The following ABLIM2 variants were observed in gnomAD, a reference collection of about 807,000 sequenced individuals.
ABLIM2 encodes the protein actin binding LIM protein family member 2, also known as actin-binding LIM protein 2.
Under a neutral mutation model 97.7 loss-of-function variants are expected in ABLIM2, and 53 were observed. The ratio of observed to expected loss-of-function variants is 0.54; its 90% confidence interval spans 0.44 to 0.68. The LOEUF is 0.68. Among genes scored for constraint, ABLIM2 ranks in the 30% least tolerant of loss-of-function variants. ABLIM2 has a pLI of 0.00. For synonymous variants in ABLIM2, 361 were observed against 345.8 expected, an observed-to-expected ratio of 1.04 and a Z score of -0.49; for missense variants, 835 against 867.2, an observed-to-expected ratio of 0.96 and a Z score of 0.47.
rs1022147483 is a variant in ABLIM2 at position 8,023,237 on chromosome 4, G to A, written c.1268-2934C>T. 24 of 152,232 alleles carry A rather than the reference G, an allele frequency of 1.6e-4. No homozygotes were observed. The highest frequency in any genetic ancestry group is 3.9e-4 in the Admixed American group (6 of 15,282). The allele number at this position is 152,232 out of a possible 1,614,324, so 9.4% of individuals were successfully genotyped here. Reference sequence around the variant, plus strand: ...GATTGGTGCCACCTGCACGCCGCACGGGATTCGGGTTTCCCCGGGTGTCAC... The same window carrying A: ...GATTGGTGCCACCTGCACGCCGCACAGGATTCGGGTTTCCCCGGGTGTCAC... On this transcript the variant is annotated intron_variant, in intron 12 of 20. Transcript: ENST00000447017. This position sits in a 1 kb window ranked among gnomAD's most constrained non-coding sequence, Gnocchi z 5.7.
rs576659304 is a variant in ABLIM2, at chr4:8,128,478, A to G, written c.11-21841T>C. Among the ~76,000 whole-genome samples, 118 of 152,334 alleles carry G rather than the reference A, an allele frequency of 7.7e-4. No individual in the cohort carries two copies. The highest frequency in any genetic ancestry group is 2.6e-3 in the African/African-American group (110 of 41,578). On this transcript the variant is annotated intron_variant, in intron 1 of 20. Coordinates refer to ENST00000447017, the MANE Select transcript of ABLIM2 (RefSeq NM_001130083.2). This position sits in a 1 kb window ranked among gnomAD's most constrained non-coding sequence, Gnocchi z 4.9. ...TACCGAAACATGGCTAGCACCACGCAGAACAGAGTTTTAGATTTTATTTAA... is the reference window on the plus strand; with the variant it reads ...TACCGAAACATGGCTAGCACCACGCGGAACAGAGTTTTAGATTTTATTTAA...
At chr4:7,997,306 G>A (rs1204184520) in intron 16 of ABLIM2, among the ~76,000 whole-genome samples, 4 of 152,180 alleles carry the variant, frequency 2.6e-5, no homozygotes, top group Non-Finnish European at 5.9e-5. Context: ...TCTTGATCTC[G>A]TGATCCGCCC....
chr4:8,114,165 T>C (rs1283373151), intron 1 of ABLIM2, among the ~76,000 whole-genome samples: 6 of 152,220 alleles, frequency 3.9e-5, no homozygotes, highest in African/African-American at 1.4e-4. Context: ...CCGAGGGATT[T>C]GTCTCCCTAG....
intron 1 of ABLIM2, among the ~76,000 whole-genome samples, chr4:8,152,940 C>T (rs1713568711): frequency 6.6e-6 from 1 of 152,156 alleles, no homozygotes; most frequent in African/African-American, 2.4e-5. Context: ...GACCCCACTT[C>T]AAGGTAGGTT....
chr4:8,042,073 C>G (rs1789036700), intron 9 of ABLIM2, among the ~76,000 whole-genome samples: 1 of 152,164 alleles, frequency 6.6e-6, no homozygotes, highest in African/African-American at 2.4e-5. Flanking sequence ...GCTCAGAAAA[C>G]AATACCCCAA....
chr4:8,146,546 T>C (rs1464182555), intron 1 of ABLIM2, among the ~76,000 whole-genome samples: 1 of 152,194 alleles, frequency 6.6e-6, no homozygotes, highest in East Asian at 1.9e-4. Context: ...CATTTATTTA[T>C]ATATATTTTT....
intron 10 of ABLIM2, among the ~76,000 whole-genome samples, chr4:8,034,381 T>C (rs1782881126): frequency 7.0e-6 from 1 of 143,106 alleles, no homozygotes; most frequent in Admixed American, 7.0e-5. Context: ...GGGTGTGTGG[T>C]AAGTGGGTGC....
rs1170800148 is a variant in ABLIM2, at chr4:7,966,647, C to A, written c.*343G>T. ...CCCGGCCACCTCTGTCCCCCACGTG[C>A]CCAGCACCGGGGCCAGGGCACCTCG... On this transcript the variant is annotated 3_prime_UTR_variant, in exon 21 of 21. Coordinates refer to ENST00000447017, the MANE Select transcript of ABLIM2 (RefSeq NM_001130083.2). The A allele has an allele frequency of 3.9e-6, 1 of 256,546 alleles. No homozygotes were observed. Among genetic ancestry groups the A allele is most frequent in the Non-Finnish European group, 7.5e-6 (1 of 133,456 alleles). 15.9% of individuals were successfully genotyped at this position (256,546 alleles called of 1,614,324 possible).
chr4:8,050,588 T>G (rs1467770894), intron 8 of ABLIM2, among the ~76,000 whole-genome samples: 1 of 152,082 alleles, frequency 6.6e-6, no homozygotes, highest in Non-Finnish European at 1.5e-5. Context: ...GGGTGTCGGG[T>G]TTCCAAAAAC....
At position 8,015,637 on chromosome 4, in the gene ABLIM2, C is replaced by A. The variant is rs1362646793; in HGVS notation, c.1423+3981G>T. ...CGTGTGTCCCGTGGGGTCACTTCCA[C>A]TGTTGGCTTTGGGTGGGCAGGAGTG... On this transcript the variant is annotated intron_variant, in intron 14 of 20. Coordinates refer to ENST00000447017, the MANE Select transcript of ABLIM2 (RefSeq NM_001130083.2). This position sits in a 1 kb window ranked among gnomAD's most constrained non-coding sequence, Gnocchi z 4.6. Among the ~76,000 whole-genome samples the A allele has an allele frequency of 6.6e-6, 1 of 152,214 alleles. No individual in the cohort carries two copies. Among genetic ancestry groups the A allele is most frequent in the African/African-American group, 2.4e-5 (1 of 41,460 alleles).
At chr4:8,119,321 CTTCT>C (rs1273592156) in intron 1 of ABLIM2, among the ~76,000 whole-genome samples, 3 of 125,668 alleles carry the variant, frequency 2.4e-5, no homozygotes, top group Admixed American at 8.9e-5. Context: ...CTCGGGCTTC[CTTCT>C]TTTTTTTTTT....
intron 1 of ABLIM2, among the ~76,000 whole-genome samples, chr4:8,145,215 G>C (rs554320122): frequency 1.3e-5 from 2 of 150,118 alleles, no homozygotes; most frequent in Non-Finnish European, 3.0e-5. Flanking sequence ...ACAGAGTCTC[G>C]CTCTGTCGCC....
At chr4:8,065,966 G>A (rs1371050206) in intron 6 of ABLIM2, among the ~76,000 whole-genome samples, 4 of 124,140 alleles carry the variant, frequency 3.2e-5, no homozygotes, top group Admixed American at 9.5e-5. Context: ...GAAGGAAAGG[G>A]AATGGAGGGG....
intron 5 of ABLIM2, among the ~76,000 whole-genome samples, chr4:8,079,338 G>C (rs1259986182): frequency 2.0e-5 from 3 of 152,224 alleles, no homozygotes; most frequent in African/African-American, 7.2e-5. Flanking sequence ...CAGCTCTGGA[G>C]GCTGCTAAGT....
At chr4:8,086,348 A>C (rs899920211) in intron 4 of ABLIM2, among the ~76,000 whole-genome samples, 43 of 121,982 alleles carry the variant, frequency 3.5e-4, no homozygotes, top group South Asian at 7.9e-4. Flanking sequence ...ATCCCCTCCC[A>C]CTTTTTTTTT....
intron 8 of ABLIM2, among the ~76,000 whole-genome samples, chr4:8,050,492 C>T (rs567358053): frequency 6.6e-6 from 1 of 152,160 alleles, no homozygotes; most frequent in Non-Finnish European, 1.5e-5. Flanking sequence ...GTCCTGGAGT[C>T]CCCCAGGAGC....
intron 1 of ABLIM2, among the ~76,000 whole-genome samples, chr4:8,133,600 G>T (rs1849745188): frequency 6.6e-6 from 1 of 152,194 alleles, no homozygotes; most frequent in Non-Finnish European, 1.5e-5. Flanking sequence ...CGGATCTGAA[G>T]ATCCCAGCCC....
At position 8,005,340 on chromosome 4, in the gene ABLIM2, G is replaced by T. The variant is rs376530569; in HGVS notation, c.1618+2719C>A. On this transcript the variant is annotated intron_variant, in intron 16 of 20. Transcript: ENST00000447017. This position sits in a 1 kb window ranked among gnomAD's most constrained non-coding sequence, Gnocchi z 4.9. ...TCAATAAATACCCGTTGAATGTAAC[G>T]CATTTCAATTCAACAGACATTTATT... 47 of 533,304 alleles carry T rather than the reference G, an allele frequency of 8.8e-5. 1 individual carries two copies. In the Admixed American group the frequency reaches 9.1e-4, roughly 10 times the overall value. 33.0% of individuals were successfully genotyped at this position (533,304 alleles called of 1,614,324 possible). A position where few individuals can be genotyped will look rare whatever the true frequency, so the allele number is the denominator to read the frequency against.
chr4:8,010,095 T>C (rs978971898), intron 14 of ABLIM2, among the ~76,000 whole-genome samples: 5 of 152,252 alleles, frequency 3.3e-5, no homozygotes, highest in Middle Eastern at 3.4e-3. Context: ...CTCAATGAAA[T>C]AGAACAAGCA....
Sources: allele counts gnomAD v4.1 joint callset (sites outside exome capture counted in the v4.1 genomes callset), GRCh38; gene constraint gnomAD v4.1.1; non-coding constraint Gnocchi (gnomAD v3.1); transcripts MANE v1.5; gene names NCBI Gene and HGNC (gene_info 2026-07-23, HGNC 2026-07-21).